Variants in TMEM132B observed in about 807,000 individuals in gnomAD.
TMEM132B encodes transmembrane protein 132B.
In TMEM132B, 18 loss-of-function variants were observed where a neutral mutation model predicts 90.8. The ratio of observed to expected loss-of-function variants is 0.20; its 90% CI spans 0.14 to 0.29. The LOEUF (loss-of-function observed/expected upper bound fraction) is 0.29, where lower values mean the gene tolerates loss of function less well. Ranked by LOEUF, TMEM132B falls within the 10% of genes least tolerant of loss-of-function variation. The pLI, the probability that TMEM132B is intolerant of heterozygous loss-of-function variation, is 1.00. For missense variants in TMEM132B, 1,096 were observed against 1,326.8 expected (o/e 0.83, Z 2.70); for synonymous variants, 504 against 523.3 (o/e 0.96, Z 0.50).
At chr12:125,211,533 A>T (rs1046960185) in intron 1 of TMEM132B, among the ~76,000 whole-genome samples, 2 of 152,178 alleles carry the variant, frequency 1.3e-5, no homozygotes, top group Non-Finnish European at 2.9e-5. Context: ...TCTCCAGGGC[A>T]TAGAATGTTG....
At chr12:125,217,276 A>G (rs561514673) in intron 1 of TMEM132B, among the ~76,000 whole-genome samples, 30 of 152,276 alleles carry the variant, frequency 2.0e-4, no homozygotes, top group Admixed American at 3.9e-4. Flanking sequence ...AAGAGAGGCC[A>G]GGCTGGGGGC....
At chr12:125,551,494 A>G (rs1011406718) in intron 4 of TMEM132B, among the ~76,000 whole-genome samples, 3 of 152,160 alleles carry the variant, frequency 2.0e-5, no homozygotes, top group Non-Finnish European at 4.4e-5. Context: ...TCTGTGAAAC[A>G]TAGACAGTCA....
intron 5 of TMEM132B, among the ~76,000 whole-genome samples, chr12:125,624,664 C>T (rs76223104): frequency 0.014 from 2,130 of 152,222 alleles, 52 homozygotes; most frequent in African/African-American, 0.049. Context: ...TGACAGTAGA[C>T]TGAAAAATTG....
intron 4 of TMEM132B, among the ~76,000 whole-genome samples, chr12:125,581,964 G>A (rs181745578): frequency 3.9e-5 from 6 of 152,204 alleles, no homozygotes; most frequent in Admixed American, 3.3e-4. Flanking sequence ...GTACAGTTCT[G>A]TTCTTTTGGA....
chr12:125,359,737 G>A (rs999276080), intron 2 of TMEM132B, among the ~76,000 whole-genome samples: 8 of 152,198 alleles, frequency 5.3e-5, no homozygotes, highest in Non-Finnish European at 8.8e-5. Flanking sequence ...AGAAGTTCAC[G>A]AAACTCCCGA....
intron 7 of TMEM132B, among the ~76,000 whole-genome samples, chr12:125,651,623 A>C (rs1886926668): frequency 6.6e-6 from 1 of 152,210 alleles, no homozygotes; most frequent in Non-Finnish European, 1.5e-5. Context: ...AAATTACCAC[A>C]AACTAGCAGC....
At position 125,222,956 on chromosome 12, in the gene TMEM132B, T is replaced by C. The variant is rs114060112; in HGVS notation, c.67+36090T>C. 1.1e-3 allele frequency among the ~76,000 whole-genome samples: 169 copies of C among 152,388 alleles called. 2 individuals carry two copies. Among genetic ancestry groups the C allele is most frequent in the African/African-American group, 3.6e-3 (149 of 41,596 alleles). Reference sequence around the variant, plus strand: ...TTTCTTTGAAGGATCAGGCAGGAACTGTAGATTCAATACATTACATAATGA... The same window carrying C: ...TTTCTTTGAAGGATCAGGCAGGAACCGTAGATTCAATACATTACATAATGA... On this transcript the variant is annotated intron_variant, in intron 1 of 8. Transcript: ENST00000682704.
chr12:125,454,846 A>T (rs1193727323), intron 3 of TMEM132B, among the ~76,000 whole-genome samples: 3 of 152,228 alleles, frequency 2.0e-5, no homozygotes, highest in Non-Finnish European at 2.9e-5. Context: ...CTAGGTTAAG[A>T]AGTGAAATTT....
chr12:125,637,817 T>C (rs555436036), intron 5 of TMEM132B, among the ~76,000 whole-genome samples: 1 of 152,120 alleles, frequency 6.6e-6, no homozygotes, highest in Non-Finnish European at 1.5e-5. Flanking sequence ...CAATCTGTGG[T>C]GACGAAAAGC....
chr12:125,553,561 G>A (rs1884293344), intron 4 of TMEM132B, among the ~76,000 whole-genome samples: 2 of 152,188 alleles, frequency 1.3e-5, no homozygotes, highest in African/African-American at 4.8e-5. Flanking sequence ...GTTCACATTG[G>A]GTGGGGTCTG....
At chr12:125,197,417 G>A (rs577739980) in intron 1 of TMEM132B, among the ~76,000 whole-genome samples, 1 of 152,088 alleles carries the variant, frequency 6.6e-6, no homozygotes, top group Non-Finnish European at 1.5e-5. Context: ...ACCCTTAGGC[G>A]GCCTCGGCTC....
chr12:125,529,804 A>G (rs1009878968), intron 4 of TMEM132B, among the ~76,000 whole-genome samples: 3 of 152,250 alleles, frequency 2.0e-5, no homozygotes, highest in Non-Finnish European at 2.9e-5. Context: ...GCTTGAATAC[A>G]TCTTCCTAAA....
intron 1 of TMEM132B, among the ~76,000 whole-genome samples, chr12:125,336,011 C>T (rs566532203): frequency 6.6e-6 from 1 of 152,252 alleles, no homozygotes; most frequent in East Asian, 1.9e-4. Context: ...ATTTTCAGTA[C>T]ATTTCACCCT....
intron 3 of TMEM132B, among the ~76,000 whole-genome samples, chr12:125,499,469 C>T (rs1882640515): frequency 6.6e-6 from 1 of 152,136 alleles, no homozygotes; most frequent in African/African-American, 2.4e-5. Context: ...ATGTGCTTCC[C>T]CCTGCAGAGA....
At position 125,235,802 on chromosome 12, in the gene TMEM132B, CT is replaced by C. The variant is rs61643412; in HGVS notation, c.67+48956del. ...TGTAATGTTTATCAGCACTTCATTCCTTTTTTTTTTTTTTTTTTTTGGAGAG... is the reference window on the plus strand; with the variant it reads ...TGTAATGTTTATCAGCACTTCATTCCTTTTTTTTTTTTTTTTTTTGGAGAG... On this transcript the variant is annotated intron_variant, in intron 1 of 8. Transcript: ENST00000682704. Among the ~76,000 whole-genome samples the C allele has an allele frequency of 6.1e-3, 651 of 107,360 alleles. 2 individuals carry two copies. The highest frequency in any genetic ancestry group is 0.021 in the African/African-American group (555 of 26,858). The allele number at this position is 107,360 out of a possible 152,430, so 70.4% of individuals were successfully genotyped here.
chr12:125,637,124 A>G (rs530909828), intron 5 of TMEM132B, among the ~76,000 whole-genome samples: 4 of 152,292 alleles, frequency 2.6e-5, no homozygotes, highest in African/African-American at 4.8e-5. Context: ...AAAATTATTA[A>G]TTTGTAGTTT....
intron 5 of TMEM132B, among the ~76,000 whole-genome samples, chr12:125,617,415 G>T (rs1250047858): frequency 2.0e-5 from 3 of 148,808 alleles, no homozygotes; most frequent in Admixed American, 6.8e-5. Context: ...GCGCCATCTC[G>T]GCTCACCACA....
rs545674772 is a variant in TMEM132B, at chr12:125,573,468, T to C, written c.1294-10383T>C. Reference sequence around the variant, plus strand: ...CAGTTTTAGAATTGCTAACCCATACTGCTGTGGAAAACAAACCTAACTAGA... The same window carrying C: ...CAGTTTTAGAATTGCTAACCCATACCGCTGTGGAAAACAAACCTAACTAGA... On this transcript the variant is annotated intron_variant, in intron 4 of 8. Transcript: ENST00000682704. Among the ~76,000 whole-genome samples the C allele has an allele frequency of 2.7e-4, 41 of 152,350 alleles. No homozygotes were observed. The South Asian group carries it at 8.1e-3, about 30-fold the overall frequency.
chr12:125,298,023 C>G (rs1875714047), intron 1 of TMEM132B, among the ~76,000 whole-genome samples: 1 of 152,160 alleles, frequency 6.6e-6, no homozygotes, highest in Non-Finnish European at 1.5e-5. Flanking sequence ...GAGCCTGAGG[C>G]AAGAGGATCA....
Sources: gnomAD v4.1 joint callset for allele counts (sites outside exome capture counted in the v4.1 genomes callset) on GRCh38, gnomAD v4.1.1 for gene constraint, MANE v1.5 for transcripts, NCBI Gene and HGNC (gene_info 2026-07-23, HGNC 2026-07-21) for gene names.